MRPS5: variants seen among roughly 807,000 people sequenced by gnomAD.
The protein encoded by MRPS5 is small ribosomal subunit protein uS5m.
In MRPS5, 27 loss-of-function variants were observed where a neutral mutation model predicts 51.9. The observed-to-expected ratio is 0.52, with a 90% confidence interval of 0.38 to 0.72. The LOEUF is 0.72. Ranked by LOEUF, MRPS5 falls within the 30% of genes least tolerant of loss-of-function variation. The pLI, the probability that MRPS5 is intolerant of heterozygous loss-of-function variation, is 0.00. For missense variants in MRPS5, 570 were observed against 545.7 expected, an observed-to-expected ratio of 1.04 and a Z score of -0.44; for synonymous variants, 196 against 193.2, an observed-to-expected ratio of 1.01 and a Z score of -0.12.
chr2:95,110,124 T>C (rs906143533), intron 3 of MRPS5, 83 bp from the exon 4 acceptor site: 2 of 1,522,370 alleles, frequency 1.3e-6, no homozygotes, highest in African/African-American at 1.4e-5. Flanking sequence ...ATAAGAGAAG[T>C]GGAGGTCAGC....
rs778442597 is a variant in MRPS5, at chr2:95,100,532, G to T, written c.873C>A (p.Phe291Leu). 6.2e-7 allele frequency: 1 copy of T among 1,603,792 alleles called. No homozygotes were observed. Among genetic ancestry groups the T allele is most frequent in the Admixed American group, 1.7e-5 (1 of 59,852 alleles). Residue 291 changes from phenylalanine to leucine, a missense_variant, in exon 10 of 12, where the codon TTC (phenylalanine) becomes TTA (leucine). Coordinates refer to ENST00000272418, the MANE Select transcript of MRPS5 (RefSeq NM_031902.5). The part of the protein sequence containing the change: ...YIERYEDHTI[F>L]HDISLRFKRT... ...TTTTAAATCTTAATGAAATATCATG[G>T]AATACTGGAGGGTAAAAACATAAAC...
chr2:95,089,508 G>T (rs1295684180), intron 11 of MRPS5, among the ~76,000 whole-genome samples: 3 of 152,214 alleles, frequency 2.0e-5, no homozygotes, highest in Non-Finnish European at 2.9e-5. Context: ...GCCCAAGAAT[G>T]GGGGCCCGGT....
At chr2:95,100,650 G>C (rs1261244012) in intron 9 of MRPS5, 114 bp from the exon 10 acceptor site, 2 of 935,328 alleles carry the variant, frequency 2.1e-6, no homozygotes, top group East Asian at 2.4e-5. Context: ...ATTGACCAAA[G>C]ATAAATGGTA....
chr2:95,089,651 CACAGGTA>C (rs1675400619), intron 11 of MRPS5, among the ~76,000 whole-genome samples: 1 of 152,182 alleles, frequency 6.6e-6, no homozygotes, highest in Non-Finnish European at 1.5e-5. Flanking sequence ...GAACCACCTA[CACAGGTA>C]ACAGGGAACT....
chr2:95,110,001 A>C lies in MRPS5; in HGVS notation c.318T>G (p.Thr106=), dbSNP rs61750774. 1.2e-3 allele frequency: 1,905 copies of C among 1,614,068 alleles called. 8 individuals carry two copies. Among genetic ancestry groups the C allele is most frequent in the Middle Eastern group, 4.5e-3 (27 of 6,058 alleles). ...CTCTTCCTTTTTTTGCTCCAGCACCAGTCTCTGCTAAAGCGCCTTTCCACA... is the reference window on the plus strand; with the variant it reads ...CTCTTCCTTTTTTTGCTCCAGCACCCGTCTCTGCTAAAGCGCCTTTCCACA... ...DELWKGALAE[T]GAGAKKGRGK... The change falls in exon 4 of 12, where the codon ACT becomes ACG. Residue 106 remains threonine (T), a synonymous_variant. Transcript: ENST00000272418.
chr2:95,103,429 G>A (rs988954280), intron 7 of MRPS5, among the ~76,000 whole-genome samples: 3 of 152,208 alleles, frequency 2.0e-5, no homozygotes, highest in African/African-American at 4.8e-5. Flanking sequence ...CTGACAATCA[G>A]TAAGGTCTGA....
intron 10 of MRPS5, among the ~76,000 whole-genome samples, chr2:95,096,854 G>T (rs1303471407): frequency 1.3e-5 from 2 of 152,184 alleles, no homozygotes; most frequent in African/African-American, 4.8e-5. Flanking sequence ...CCACGCAAGA[G>T]AAAGAAATAA....
chr2:95,090,778 GATTGTTATTGAGATTAATA>G (rs1210375807), intron 10 of MRPS5: 3 of 420,426 alleles, frequency 7.1e-6, no homozygotes, highest in African/African-American at 5.9e-5. Flanking sequence ...AAAAAAACAG[GATTGTTATTGAGATTAATA>G]AACATGCATG....
chr2:95,094,168 A>C (rs1409629358), intron 10 of MRPS5, among the ~76,000 whole-genome samples: 1 of 152,240 alleles, frequency 6.6e-6, no homozygotes, highest in Non-Finnish European at 1.5e-5. Context: ...AAATGAAGCA[A>C]TAAGAGAAGT....
intron 10 of MRPS5, among the ~76,000 whole-genome samples, chr2:95,097,079 C>G (rs564348734): frequency 6.6e-6 from 1 of 152,190 alleles, no homozygotes; most frequent in African/African-American, 2.4e-5. Context: ...TGAGTGAACT[C>G]CCACTCACAA....
At chr2:95,101,008 G>T in intron 8 of MRPS5, 114 bp from the exon 9 acceptor site, 1 of 847,682 alleles carries the variant, frequency 1.2e-6, no homozygotes. Context: ...TACGCAAAAA[G>T]GTTAGTATAT....
intron 3 of MRPS5, among the ~76,000 whole-genome samples, chr2:95,112,113 G>A (rs188274271): frequency 1.3e-5 from 2 of 152,026 alleles, no homozygotes; most frequent in East Asian, 1.9e-4. Context: ...CGCCCCAGAT[G>A]GAGTGCAATG....
In MRPS5 at chr2:95,100,870, A is replaced by T. The variant is rs201710303; in HGVS notation, c.835T>A (p.Leu279Met). The T allele has an allele frequency of 1.2e-6, 2 of 1,609,280 alleles. No individual in the cohort carries two copies. Among genetic ancestry groups the T allele is most frequent in the Non-Finnish European group, 1.7e-6 (2 of 1,178,862 alleles). ...TCTTCATATCGTTCTATATAATGCAAATGGTGAACTGCTCTGTTCTTTGCC... is the reference window on the plus strand; with the variant it reads ...TCTTCATATCGTTCTATATAATGCATATGGTGAACTGCTCTGTTCTTTGCC... Reference protein sequence around the residue: ...RKAKNRAVHHLHYIERYEDHT... With the variant: ...RKAKNRAVHHMHYIERYEDHT... Residue 279 changes from leucine to methionine, a missense_variant, in exon 9 of 12, where the codon TTG (leucine) becomes ATG (methionine). By Grantham distance (15) the Leu-to-Met change is conservative. Transcript: ENST00000272418.
chr2:95,085,706 C>T lies in MRPS5; in HGVS notation c.*1651G>A, dbSNP rs142866604. ...GATCTCCATCCTCACCAGGCAGTAACGAGGCAGTGCCCCATCCCATACCAG... is the reference window on the plus strand; with the variant it reads ...GATCTCCATCCTCACCAGGCAGTAATGAGGCAGTGCCCCATCCCATACCAG... On this transcript the variant is annotated 3_prime_UTR_variant, in exon 12 of 12. Transcript: ENST00000272418. 1.4e-3 allele frequency among the ~76,000 whole-genome samples: 214 copies of T among 152,204 alleles called. No individual in the cohort carries two copies. Among genetic ancestry groups the T allele is most frequent in the African/African-American group, 4.8e-3 (198 of 41,530 alleles).
At chr2:95,121,567 G>A (rs1310829543) in intron 1 of MRPS5, among the ~76,000 whole-genome samples, 167 bp downstream of exon 1, 1 of 152,240 alleles carries the variant, frequency 6.6e-6, no homozygotes, top group African/African-American at 2.4e-5. Context: ...AGAGGGAGAG[G>A]ACGCGCGCAA....
chr2:95,109,179 A>G (rs879830673), intron 4 of MRPS5, among the ~76,000 whole-genome samples: 9 of 152,164 alleles, frequency 5.9e-5, no homozygotes, highest in Admixed American at 5.9e-4. Flanking sequence ...CATGATTCTT[A>G]TAATTTAAAA....
In MRPS5 at chr2:95,121,717, G is replaced by C; in HGVS notation, c.58+17C>G. ...CGGCCCGCTCAGAGCCCCTGCTCCC[G>C]GCGTCCCAGCTCTCACCTGCCGTCC... On this transcript the variant is annotated intron_variant, in intron 1 of 11. Transcript: ENST00000272418. 6.5e-7 allele frequency: 1 copy of C among 1,533,974 alleles called. No homozygotes were observed. The highest frequency in any genetic ancestry group is 8.7e-7 in the Non-Finnish European group (1 of 1,147,724).
chr2:95,115,098 T>G lies in MRPS5; in HGVS notation c.245A>C (p.Gln82Pro). Residue 82 changes from glutamine to proline, a missense_variant, in exon 3 of 12, where the codon CAG (glutamine) becomes CCG (proline). Gln to Pro is a moderately conservative substitution (Grantham distance 76). Coordinates refer to ENST00000272418, the MANE Select transcript of MRPS5 (RefSeq NM_031902.5). The part of the protein sequence containing the change: ...CISSPSHLMS[Q>P]QYRPYSFFTK... The stretch of plus-strand genomic sequence containing the variant: ...GAAGAAACTATATGGTCTATACTGC[T>G]GGCTCATCAGGTGACTGGGAGAAGA... 6.2e-7 allele frequency: 1 copy of G among 1,610,476 alleles called. No homozygotes were observed. The highest frequency in any genetic ancestry group is 8.5e-7 in the Non-Finnish European group (1 of 1,179,132).
intron 2 of MRPS5, among the ~76,000 whole-genome samples, chr2:95,116,611 T>G (rs1453892999): frequency 6.6e-5 from 10 of 152,394 alleles, no homozygotes; most frequent in Non-Finnish European, 1.5e-4. Flanking sequence ...TTACCAGTTT[T>G]GGTTTTGTTC....
Sources: allele counts gnomAD v4.1 joint callset (sites outside exome capture counted in the v4.1 genomes callset), GRCh38; gene constraint gnomAD v4.1.1; transcripts MANE v1.5; gene names NCBI Gene and HGNC (gene_info 2026-07-23, HGNC 2026-07-21).